Variants in FAM210A observed in about 807,000 individuals in gnomAD.
The protein encoded by FAM210A is family with sequence similarity 210 member A.
FAM210A carries 13 observed loss-of-function variants against 25.3 expected under a neutral mutation model. That is an observed-to-expected ratio of 0.51 (90% confidence interval 0.33 to 0.82). The LOEUF is 0.82. FAM210A is among the 40% of genes least tolerant of loss of function. FAM210A has a pLI of 0.02. For synonymous variants in FAM210A, 125 were observed against 118.7 expected (o/e 1.05, Z -0.35); for missense variants, 319 against 323.2 (o/e 0.99, Z 0.10).
At chr18:13,682,211 A>G in intron 1 of FAM210A, 106 bp from the exon 2 acceptor site, 1 of 736,288 alleles carries the variant, frequency 1.4e-6, no homozygotes, top group Non-Finnish European at 2.2e-6. Flanking sequence ...AAAGACAGAC[A>G]CTGCTACATA....
intron 1 of FAM210A, among the ~76,000 whole-genome samples, chr18:13,713,964 A>G (rs2043841286): frequency 1.3e-5 from 2 of 152,186 alleles, no homozygotes; most frequent in Non-Finnish European, 2.9e-5. Context: ...TTTCTCAACT[A>G]AATTATAACT....
At chr18:13,692,164 T>C (rs2043651058) in intron 1 of FAM210A, among the ~76,000 whole-genome samples, 2 of 151,660 alleles carry the variant, frequency 1.3e-5, no homozygotes, top group Admixed American at 6.6e-5. Context: ...GGGCATTACA[T>C]AATGGTAAAG....
At chr18:13,673,535 T>C (rs2043462114) in intron 2 of FAM210A, among the ~76,000 whole-genome samples, 1 of 152,086 alleles carries the variant, frequency 6.6e-6, no homozygotes, top group Non-Finnish European at 1.5e-5. Flanking sequence ...AGTTTCCTGA[T>C]TATTAACATT....
chr18:13,693,226 T>A (rs189519315), intron 1 of FAM210A, among the ~76,000 whole-genome samples: 10 of 152,078 alleles, frequency 6.6e-5, no homozygotes, highest in Non-Finnish European at 1.0e-4. Context: ...AATAGACCAA[T>A]AACAGGCTCT....
chr18:13,694,486 C>T (rs1442311496), intron 1 of FAM210A, among the ~76,000 whole-genome samples: 1 of 152,168 alleles, frequency 6.6e-6, no homozygotes, highest in South Asian at 2.1e-4. Flanking sequence ...GCTACAGTAA[C>T]CAAAACAGCA....
chr18:13,672,284 A>G (rs2043449518), intron 2 of FAM210A, among the ~76,000 whole-genome samples: 1 of 152,254 alleles, frequency 6.6e-6, no homozygotes, highest in African/African-American at 2.4e-5. Flanking sequence ...TAAATAAACT[A>G]TGAGAAAAGG....
intron 1 of FAM210A, among the ~76,000 whole-genome samples, chr18:13,711,175 C>G (rs1288798376): frequency 1.3e-5 from 2 of 152,086 alleles, no homozygotes; most frequent in Admixed American, 1.3e-4. Context: ...AGTTCGAGAC[C>G]AGTCTACCAA....
chr18:13,695,027 A>C (rs1056831542), intron 1 of FAM210A, among the ~76,000 whole-genome samples: 4 of 152,224 alleles, frequency 2.6e-5, no homozygotes, highest in African/African-American at 7.2e-5. Flanking sequence ...ACAAGAAAAA[A>C]TCAACCCCAT....
At chr18:13,678,300 T>C (rs2043521596) in intron 2 of FAM210A, among the ~76,000 whole-genome samples, 1 of 152,078 alleles carries the variant, frequency 6.6e-6, no homozygotes, top group South Asian at 2.1e-4. Flanking sequence ...TTTTTTTAGA[T>C]GGAGTTTCGC....
chr18:13,720,089 TAG>T (rs1293663968), intron 1 of FAM210A, among the ~76,000 whole-genome samples: 4 of 152,184 alleles, frequency 2.6e-5, no homozygotes, highest in Non-Finnish European at 4.4e-5. Flanking sequence ...CGGTTAAGCG[TAG>T]AGTTTCTATT....
chr18:13,673,388 CCA>C (rs2043460325), intron 2 of FAM210A, among the ~76,000 whole-genome samples: 1 of 149,070 alleles, frequency 6.7e-6, no homozygotes, highest in Non-Finnish European at 1.5e-5. Flanking sequence ...GACTTCATTT[CCA>C]GTTTCCTGAT....
At chr18:13,703,908 T>C (rs1477095223) in intron 1 of FAM210A, among the ~76,000 whole-genome samples, 1 of 152,240 alleles carries the variant, frequency 6.6e-6, no homozygotes, top group Non-Finnish European at 1.5e-5. Flanking sequence ...TTAGGTTTCC[T>C]AAATGCTTTA....
intron 1 of FAM210A, among the ~76,000 whole-genome samples, chr18:13,715,732 C>G (rs1291680995): frequency 2.0e-5 from 3 of 152,110 alleles, no homozygotes; most frequent in East Asian, 1.9e-4. Flanking sequence ...TTTTTAAAAA[C>G]AGCTCTGATA....
At chr18:13,670,107 G>C (rs1273236219) in intron 3 of FAM210A, among the ~76,000 whole-genome samples, 1 of 151,922 alleles carries the variant, frequency 6.6e-6, no homozygotes, top group Non-Finnish European at 1.5e-5. Flanking sequence ...TTCACCTACA[G>C]AACATAATAC....
chr18:13,710,108 T>G (rs1219500036), intron 1 of FAM210A: 1 of 152,228 alleles, frequency 6.6e-6, no homozygotes. Flanking sequence ...GAAATTGCCT[T>G]TGTAAAACTA....
intron 1 of FAM210A, among the ~76,000 whole-genome samples, chr18:13,704,462 G>A (rs577354080): frequency 3.9e-5 from 6 of 152,250 alleles, no homozygotes; most frequent in African/African-American, 1.4e-4. Context: ...ATTGCAAAGG[G>A]TTATATAAGG....
intron 1 of FAM210A, among the ~76,000 whole-genome samples, chr18:13,684,732 CCATT>C (rs1209097369): frequency 1.3e-5 from 2 of 152,162 alleles, no homozygotes; most frequent in Admixed American, 6.5e-5. Flanking sequence ...ATAGAATACT[CCATT>C]CAACAACAGC....
intron 1 of FAM210A, among the ~76,000 whole-genome samples, chr18:13,720,303 G>C (rs1164867609): frequency 6.6e-6 from 1 of 152,124 alleles, no homozygotes; most frequent in East Asian, 1.9e-4. Context: ...TGGCAGAGCA[G>C]TTTGCACAGC....
At chr18:13,694,922 G>A (rs553041292) in intron 1 of FAM210A, among the ~76,000 whole-genome samples, 7 of 152,310 alleles carry the variant, frequency 4.6e-5, no homozygotes, top group East Asian at 1.9e-4. Flanking sequence ...CCATCAGAGT[G>A]AGCAGGCAAC....
Sources: allele counts gnomAD v4.1 joint callset (sites outside exome capture counted in the v4.1 genomes callset), GRCh38; gene constraint gnomAD v4.1.1; transcripts MANE v1.5; gene names NCBI Gene and HGNC (gene_info 2026-07-23, HGNC 2026-07-21).